Variants in CDYL observed in about 807,000 individuals in gnomAD.
CDYL encodes the protein chromodomain Y like, also known as chromodomain Y-like protein.
Under a neutral mutation model 47.3 loss-of-function variants are expected in CDYL, and 8 were observed. That is an observed-to-expected ratio of 0.17 (90% CI 0.10 to 0.31). CDYL has a LOEUF of 0.31. Among genes scored for constraint, CDYL ranks in the 10% least tolerant of loss-of-function variants. The pLI, the probability that CDYL is intolerant of heterozygous loss-of-function variation, is 1.00. For synonymous variants in CDYL, 266 were observed against 265.0 expected, an observed-to-expected ratio of 1.00 and a Z score of -0.04; for missense variants, 471 against 701.4, an observed-to-expected ratio of 0.67 and a Z score of 3.71.
intron 2 of CDYL, among the ~76,000 whole-genome samples, chr6:4,935,246 A>T (rs1032090283): frequency 6.6e-6 from 1 of 152,138 alleles, no homozygotes; most frequent in Non-Finnish European, 1.5e-5. Context: ...AAAAATCTCT[A>T]ACTATGTAGC....
At chr6:4,872,404 C>T (rs891440677) in intron 1 of CDYL, among the ~76,000 whole-genome samples, 4 of 147,566 alleles carry the variant, frequency 2.7e-5, no homozygotes, top group African/African-American at 7.6e-5. Context: ...GTTTTTGAGA[C>T]GGTTTTTACA....
intron 1 of CDYL, among the ~76,000 whole-genome samples, chr6:4,809,692 GTATTA>G (rs1759471068): frequency 6.7e-6 from 1 of 149,406 alleles, no homozygotes. Flanking sequence ...TATGGTAGGG[GTATTA>G]TATTAGTCCT....
At chr6:4,890,222 C>A in intron 1 of CDYL, 2 of 918,600 alleles carry the variant, frequency 2.2e-6, no homozygotes, top group Non-Finnish European at 2.6e-6. Flanking sequence ...TAAACTATTT[C>A]TGCAAAAACG....
intron 3 of CDYL, among the ~76,000 whole-genome samples, chr6:4,745,539 C>T (rs1433792923): frequency 6.6e-6 from 1 of 151,362 alleles, no homozygotes; most frequent in Non-Finnish European, 1.5e-5. Flanking sequence ...GTCAGGAATT[C>T]GAGACCAGCC....
intron 1 of CDYL, among the ~76,000 whole-genome samples, chr6:4,867,207 C>T (rs963283702): frequency 1.3e-5 from 2 of 151,964 alleles, no homozygotes; most frequent in African/African-American, 4.8e-5. Context: ...AAAACAAATC[C>T]AAGCCTTGCT....
intron 1 of CDYL, among the ~76,000 whole-genome samples, chr6:4,797,568 G>C (rs543264268): frequency 3.3e-5 from 5 of 152,122 alleles, no homozygotes; most frequent in African/African-American, 1.2e-4. Flanking sequence ...TATCCTTTTG[G>C]AAAGAAACTC....
intron 1 of CDYL, among the ~76,000 whole-genome samples, chr6:4,820,623 C>G (rs1255298029): frequency 6.6e-6 from 1 of 152,110 alleles, no homozygotes; most frequent in Non-Finnish European, 1.5e-5. Context: ...TTCTCCCCCA[C>G]CAGATTGTAT....
intron 2 of CDYL, among the ~76,000 whole-genome samples, chr6:4,933,661 G>T (rs1293992833): frequency 6.6e-6 from 1 of 152,144 alleles, no homozygotes; most frequent in South Asian, 2.1e-4. Flanking sequence ...GAGGATGGAG[G>T]TTAAAAGAAA....
intron 3 of CDYL, among the ~76,000 whole-genome samples, chr6:4,735,574 G>C (rs1257036748): frequency 1.3e-5 from 2 of 151,900 alleles, no homozygotes; most frequent in African/African-American, 4.8e-5. Flanking sequence ...GACCAGCCTG[G>C]CCAACATGGT....
intron 1 of CDYL, among the ~76,000 whole-genome samples, chr6:4,813,426 G>A (rs1303678692): frequency 1.3e-5 from 2 of 152,146 alleles, no homozygotes; most frequent in African/African-American, 2.4e-5. Context: ...TGCAGCATCC[G>A]CTGATATTCT....
At chr6:4,887,947 A>C (rs1268062303) in intron 1 of CDYL, among the ~76,000 whole-genome samples, 1 of 151,628 alleles carries the variant, frequency 6.6e-6, no homozygotes, top group Non-Finnish European at 1.5e-5. Context: ...GCATCTGTTG[A>C]AACAATATGT....
intron 1 of CDYL, among the ~76,000 whole-genome samples, chr6:4,779,253 G>C (rs1758548559): frequency 2.0e-5 from 3 of 152,156 alleles, no homozygotes; most frequent in Admixed American, 6.5e-5. Context: ...TAGTTGCCTT[G>C]TTTTGTCCAG....
chr6:4,855,170 A>G (rs562665711), intron 1 of CDYL, among the ~76,000 whole-genome samples: 3 of 152,348 alleles, frequency 2.0e-5, no homozygotes, highest in East Asian at 1.9e-4. Flanking sequence ...TAGATCTGCA[A>G]TGGATTCTAA....
At chr6:4,953,351 T>C (rs937579411) in intron 6 of CDYL, among the ~76,000 whole-genome samples, 3 of 151,774 alleles carry the variant, frequency 2.0e-5, no homozygotes, top group African/African-American at 7.3e-5. Flanking sequence ...GCCACTGCTG[T>C]CCAGCCTGGG....
chr6:4,914,347 T>A (rs1054088961), intron 2 of CDYL, among the ~76,000 whole-genome samples: 1 of 152,030 alleles, frequency 6.6e-6, no homozygotes, highest in Admixed American at 6.5e-5. Flanking sequence ...GCACGTCCTC[T>A]CCTCTGTGCC....
chr6:4,906,942 T>C (rs1757255818), intron 2 of CDYL, among the ~76,000 whole-genome samples: 1 of 152,340 alleles, frequency 6.6e-6, no homozygotes, highest in South Asian at 2.1e-4. Flanking sequence ...AAATTTGCCA[T>C]TTAGGAATGT....
intron 2 of CDYL, among the ~76,000 whole-genome samples, chr6:4,902,031 A>G (rs1674256399): frequency 6.6e-6 from 1 of 152,138 alleles, no homozygotes; most frequent in East Asian, 1.9e-4. Context: ...GGTCAACTTC[A>G]TCTAAACTCT....
intron 1 of CDYL, among the ~76,000 whole-genome samples, chr6:4,817,410 G>C (rs1181574902): frequency 6.6e-6 from 1 of 150,448 alleles, no homozygotes; most frequent in Admixed American, 6.6e-5. Flanking sequence ...TTTTGTCAGA[G>C]CCAGCTACTC....
chr6:4,855,693 AC>A (rs1204631069), intron 1 of CDYL, among the ~76,000 whole-genome samples: 2 of 151,640 alleles, frequency 1.3e-5, no homozygotes, highest in Non-Finnish European at 2.9e-5. Context: ...AGTTTACATC[AC>A]AATCTACACG....
Sources: gnomAD v4.1 joint callset for allele counts (sites outside exome capture counted in the v4.1 genomes callset) on GRCh38, gnomAD v4.1.1 for gene constraint, MANE v1.5 for transcripts, NCBI Gene and HGNC (gene_info 2026-07-23, HGNC 2026-07-21) for gene names.